ABITRAM: variants seen among roughly 807,000 people sequenced by gnomAD.
The protein encoded by ABITRAM is protein Abitram.
A neutral mutation model predicts 22.9 loss-of-function variants in ABITRAM; 19 were observed. The ratio of observed to expected loss-of-function variants is 0.83; its 90% CI spans 0.58 to 1.22. The LOEUF (loss-of-function observed/expected upper bound fraction) is 1.22. ABITRAM is among the 50% of genes most tolerant of loss of function. ABITRAM has a pLI of 0.00. For missense variants in ABITRAM, 215 were observed against 220.2 expected, an observed-to-expected ratio of 0.98 and a Z score of 0.15; for synonymous variants, 70 against 73.9, an observed-to-expected ratio of 0.95 and a Z score of 0.27.
At chr9:108,936,998 A>G (rs1390560958) in intron 3 of ABITRAM, among the ~76,000 whole-genome samples, 1 of 152,066 alleles carries the variant, frequency 6.6e-6, no homozygotes, top group African/African-American at 2.4e-5. Flanking sequence ...CCATCTCTAT[A>G]AAAATACAAA....
At chr9:108,934,774 G>A (rs1759842) in intron 1 of ABITRAM, among the ~76,000 whole-genome samples, 87,155 of 151,918 alleles carry the variant, frequency 0.57, 25,274 homozygotes, top group South Asian at 0.7. Flanking sequence ...TTCTGGGGCC[G>A]GCGATTGCAG....
exon 4 of ABITRAM, chr9:108,950,541 T>C (rs1191219423): frequency 6.4e-7 from 1 of 1,550,450 alleles, no homozygotes. Context: ...GAAGACGTCA[T>C]CAAGAGGAAA....
intron 1 of ABITRAM, among the ~76,000 whole-genome samples, chr9:108,934,869 T>C (rs1327401828): frequency 6.6e-6 from 1 of 152,014 alleles, no homozygotes; most frequent in Admixed American, 6.5e-5. Flanking sequence ...GTTGCAACAG[T>C]CCTTAAGTGC....
downstream of ABITRAM, chr9:108,942,711 T>C (rs546977777): frequency 2.7e-6 from 3 of 1,114,642 alleles, no homozygotes; most frequent in Admixed American, 2.1e-5. Flanking sequence ...GATCATTTGA[T>C]TTTTAAAAAT....
chr9:108,943,924 A>C, downstream of ABITRAM: 2 of 1,606,888 alleles, frequency 1.2e-6, no homozygotes, highest in Non-Finnish European at 1.7e-6. Context: ...GTTATACATA[A>C]TACCACCACC....
downstream of ABITRAM, chr9:108,943,110 T>C: frequency 4.3e-6 from 6 of 1,405,508 alleles, no homozygotes; most frequent in South Asian, 5.2e-5. Context: ...TACCATTTAT[T>C]TAGTTTTAAC....
chr9:108,943,256 C>G (rs1830299457), downstream of ABITRAM, among the ~76,000 whole-genome samples: 1 of 152,182 alleles, frequency 6.6e-6, no homozygotes, highest in African/African-American at 2.4e-5. Flanking sequence ...CATGGAACCC[C>G]AGCAGAAAGA....
intron 3 of ABITRAM, among the ~76,000 whole-genome samples, chr9:108,947,520 G>T (rs1830442250): frequency 6.6e-6 from 1 of 152,176 alleles, no homozygotes; most frequent in Non-Finnish European, 1.5e-5. Context: ...AATGCTCTTG[G>T]TTCTAGAGAG....
chr9:108,934,478 G>A lies in ABITRAM; in HGVS notation c.-9G>A. 1 of 1,597,120 alleles carries A rather than the reference G, an allele frequency of 6.3e-7. No homozygotes were observed. The highest frequency in any genetic ancestry group is 8.5e-7 in the Non-Finnish European group (1 of 1,173,402). The stretch of plus-strand genomic sequence containing the variant: ...CCGGAGGGCGGGGGTGGCGGCGCCG[G>A]AGGTCGCCATGGCTACCGAGCCCGA... On this transcript the variant is annotated 5_prime_UTR_variant, in exon 1 of 6. Transcript: ENST00000322940.
At chr9:108,945,156 C>G (rs2132077321), downstream of ABITRAM, among the ~76,000 whole-genome samples, 1 of 152,298 alleles carries the variant, frequency 6.6e-6, no homozygotes. Flanking sequence ...CCTGAACTAT[C>G]CTGACATCAG....
chr9:108,941,243 C>A (rs556960823), downstream of ABITRAM, among the ~76,000 whole-genome samples: 6 of 152,090 alleles, frequency 3.9e-5, no homozygotes, highest in East Asian at 5.8e-4. Context: ...ATATACCCCC[C>A]AGACATGATA....
downstream of ABITRAM, chr9:108,943,139 A>C: frequency 8.8e-7 from 1 of 1,135,398 alleles, no homozygotes; most frequent in East Asian, 2.6e-5. Context: ...ATTTCTCCAT[A>C]TGGAAATCTA....
chr9:108,936,228 T>C, intron 2 of ABITRAM, 80 bp from the exon 3 acceptor site: 4 of 1,498,078 alleles, frequency 2.7e-6, no homozygotes, highest in Non-Finnish European at 3.6e-6. Flanking sequence ...TACCAGTTCA[T>C]ACATTCTTGT....
chr9:108,948,125 A>G (rs1830458155), intron 3 of ABITRAM: 2 of 1,558,612 alleles, frequency 1.3e-6, no homozygotes, highest in Admixed American at 3.4e-5. Context: ...TCTGGAAAAC[A>G]TTTATTACCC....
intron 1 of ABITRAM, 97 bp downstream of exon 1, chr9:108,934,662 C>G (rs1830143463): frequency 1.4e-5 from 16 of 1,174,092 alleles, no homozygotes; most frequent in Non-Finnish European, 1.9e-5. Flanking sequence ...CTCTCCCTGG[C>G]TCTCCGTCCC....
At chr9:108,948,105 T>C (rs965065273) in intron 3 of ABITRAM, 3 of 1,465,894 alleles carry the variant, frequency 2.0e-6, no homozygotes, top group African/African-American at 2.8e-5. Context: ...ACACATGATA[T>C]AATAAATCAT....
chr9:108,944,621 C>T (rs1830347004), downstream of ABITRAM, among the ~76,000 whole-genome samples: 2 of 152,070 alleles, frequency 1.3e-5, no homozygotes, highest in Admixed American at 6.5e-5. Flanking sequence ...ACAGGTAAGA[C>T]AGAAGTATTT....
chr9:108,936,652 G>A (rs1830191294), intron 3 of ABITRAM, among the ~76,000 whole-genome samples: 1 of 152,146 alleles, frequency 6.6e-6, no homozygotes, highest in Non-Finnish European at 1.5e-5. Context: ...TAGGTTCTGT[G>A]CTACTATCCC....
chr9:108,949,478 T>G (rs559552610), intron 3 of ABITRAM, among the ~76,000 whole-genome samples: 1 of 151,924 alleles, frequency 6.6e-6, no homozygotes, highest in Non-Finnish European at 1.5e-5. Context: ...GAGGCCAAGG[T>G]GGGCAGATCA....
Sources: allele counts gnomAD v4.1 joint callset (sites outside exome capture counted in the v4.1 genomes callset), GRCh38; gene constraint gnomAD v4.1.1; transcripts MANE v1.5; gene names NCBI Gene and HGNC (gene_info 2026-07-23, HGNC 2026-07-21).